CPNE4: variants seen among roughly 807,000 people sequenced by gnomAD.
CPNE4 encodes the protein copine-4.
Under a neutral mutation model 67.9 loss-of-function variants are expected in CPNE4, and 25 were observed. The observed-to-expected ratio is 0.37, with a 90% confidence interval of 0.27 to 0.51. The LOEUF is 0.51. Ranked by LOEUF, CPNE4 falls within the 20% of genes least tolerant of loss-of-function variation. CPNE4 has a pLI of 0.93. For missense variants in CPNE4, 464 were observed against 690.8 expected, an observed-to-expected ratio of 0.67 and a Z score of 3.68; for synonymous variants, 242 against 244.9, an observed-to-expected ratio of 0.99 and a Z score of 0.11.
chr3:131,785,256 C>T (rs1009387267), intron 2 of CPNE4, among the ~76,000 whole-genome samples: 1 of 152,108 alleles, frequency 6.6e-6, no homozygotes, highest in African/African-American at 2.4e-5. Context: ...TCTCCTTGGT[C>T]ACACTCTTCA....
chr3:132,020,595 T>A (rs1466152393), intron 1 of CPNE4, among the ~76,000 whole-genome samples: 1 of 152,148 alleles, frequency 6.6e-6, no homozygotes, highest in Non-Finnish European at 1.5e-5. Flanking sequence ...GGATCACATG[T>A]TTTACACTTT....
intron 7 of CPNE4, among the ~76,000 whole-genome samples, chr3:131,657,713 T>TGTGTGA: frequency 7.2e-6 from 1 of 139,298 alleles, no homozygotes; most frequent in South Asian, 2.4e-4. Flanking sequence ...TTTGTGTGTG[T>TGTGTGA]GTGTGTGTGT....
intron 3 of CPNE4, among the ~76,000 whole-genome samples, chr3:131,717,882 CTT>C (rs72589199): frequency 0.2 from 10,852 of 53,626 alleles, 1,212 homozygotes; most frequent in African/African-American, 0.28. Context: ...TCTTTTCTTT[CTT>C]TCTTTCTTTC....
intron 2 of CPNE4, among the ~76,000 whole-genome samples, chr3:131,792,661 G>A (rs1583206442): frequency 2.6e-5 from 1 of 38,352 alleles, no homozygotes; most frequent in African/African-American, 1.3e-4. Context: ...ATATACACAC[G>A]TGTATATATA....
chr3:131,746,856 C>T (rs942715635), intron 2 of CPNE4, among the ~76,000 whole-genome samples: 2 of 152,100 alleles, frequency 1.3e-5, no homozygotes, highest in Admixed American at 1.3e-4. Context: ...AACTATTTCC[C>T]ATAATGGCTG....
chr3:131,990,410 T>G (rs1276402596), intron 1 of CPNE4, among the ~76,000 whole-genome samples: 1 of 136,056 alleles, frequency 7.3e-6, no homozygotes, highest in East Asian at 2.3e-4. Context: ...GGAATAAATG[T>G]TTTATGTGTG....
At chr3:131,747,048 C>G (rs57350624) in intron 2 of CPNE4, among the ~76,000 whole-genome samples, 8,183 of 150,896 alleles carry the variant, frequency 0.054, 731 homozygotes, top group African/African-American at 0.19. Flanking sequence ...TTTCATATAT[C>G]TGTTGGCCAT....
chr3:131,622,665 C>G (rs892109244), intron 7 of CPNE4, among the ~76,000 whole-genome samples: 8 of 152,116 alleles, frequency 5.3e-5, no homozygotes, highest in Non-Finnish European at 7.3e-5. Context: ...GGGAAAAAGT[C>G]TGTGTTGGCT....
chr3:131,554,107 G>A (rs1559887301), intron 12 of CPNE4, among the ~76,000 whole-genome samples: 2 of 152,104 alleles, frequency 1.3e-5, no homozygotes, highest in South Asian at 2.1e-4. Context: ...ACCTGAGGCT[G>A]GAAGACCACC....
chr3:131,546,241 A>G (rs1935828773), intron 14 of CPNE4, among the ~76,000 whole-genome samples: 1 of 152,216 alleles, frequency 6.6e-6, no homozygotes, highest in Non-Finnish European at 1.5e-5. Context: ...TAAAGGCACT[A>G]GGCTGTAGAC....
chr3:131,552,130 C>A (rs1157333397), intron 13 of CPNE4, among the ~76,000 whole-genome samples: 2 of 151,288 alleles, frequency 1.3e-5, no homozygotes, highest in Non-Finnish European at 2.9e-5. Flanking sequence ...TGTATCACTG[C>A]CTACCAGGTG....
chr3:131,721,894 C>T (rs2081896672), intron 3 of CPNE4, among the ~76,000 whole-genome samples: 2 of 152,142 alleles, frequency 1.3e-5, no homozygotes, highest in African/African-American at 4.8e-5. Flanking sequence ...TTGTACCTGG[C>T]AAGATCCTTT....
At chr3:131,775,569 G>A (rs574377510) in intron 2 of CPNE4, among the ~76,000 whole-genome samples, 3 of 152,198 alleles carry the variant, frequency 2.0e-5, no homozygotes, top group East Asian at 3.9e-4. Context: ...TCTTGTGATA[G>A]TGAGTAAGTC....
intron 7 of CPNE4, among the ~76,000 whole-genome samples, chr3:131,603,317 C>T (rs148183085): frequency 2.1e-4 from 32 of 152,232 alleles, no homozygotes; most frequent in Admixed American, 9.8e-4. Context: ...ATAAATCTTA[C>T]AGTCTAGTGG....
intron 7 of CPNE4, among the ~76,000 whole-genome samples, chr3:131,608,666 G>A (rs948403006): frequency 6.6e-6 from 1 of 152,084 alleles, no homozygotes; most frequent in Non-Finnish European, 1.5e-5. Flanking sequence ...GAACTGAGAG[G>A]AAGGGCAAGA....
intron 1 of CPNE4, among the ~76,000 whole-genome samples, chr3:131,943,064 T>C (rs2071446539): frequency 6.6e-6 from 1 of 152,178 alleles, no homozygotes; most frequent in East Asian, 1.9e-4. Context: ...TCCAGAAGCT[T>C]TGGAATTTAC....
intron 1 of CPNE4, among the ~76,000 whole-genome samples, chr3:132,032,323 G>C (rs2074253998): frequency 2.0e-5 from 3 of 152,200 alleles, no homozygotes; most frequent in African/African-American, 7.2e-5. Flanking sequence ...CCACTCACAG[G>C]AAAGGCATAA....
chr3:131,974,282 CAT>C lies in CPNE4; in HGVS notation c.-2+60283_-2+60284del, dbSNP rs1008134787. On this transcript the variant is annotated intron_variant, in intron 1 of 15. Coordinates refer to ENST00000429747, the MANE Select transcript of CPNE4 (RefSeq NM_130808.3). ...TGGTAATTGTAAAATGTCTTGTGCACATATATGTGTACATATGTGTTATGTGC... is the reference window on the plus strand; with the variant it reads ...TGGTAATTGTAAAATGTCTTGTGCACATATGTGTACATATGTGTTATGTGC... Among the ~76,000 whole-genome samples the C allele has an allele frequency of 2.0e-5, 3 of 152,288 alleles. No homozygotes were observed. The South Asian group carries it at 6.2e-4, about 32-fold the overall frequency.
chr3:131,612,531 G>A (rs1009863575), intron 7 of CPNE4, among the ~76,000 whole-genome samples: 1 of 152,180 alleles, frequency 6.6e-6, no homozygotes, highest in Non-Finnish European at 1.5e-5. Context: ...AGAGGAGTCA[G>A]ATCCATAGAG....
Sources: gnomAD v4.1 joint callset for allele counts (sites outside exome capture counted in the v4.1 genomes callset) on GRCh38, gnomAD v4.1.1 for gene constraint, MANE v1.5 for transcripts, NCBI Gene and HGNC (gene_info 2026-07-23, HGNC 2026-07-21) for gene names.